CACNA1D: variants seen among roughly 807,000 people sequenced by gnomAD.
CACNA1D encodes voltage-dependent L-type calcium channel subunit alpha-1D.
In CACNA1D, 55 loss-of-function variants were observed where a neutral mutation model predicts 257.1. The observed-to-expected ratio is 0.21, with a 90% CI of 0.17 to 0.27. CACNA1D has a LOEUF of 0.27. Ranked by LOEUF, CACNA1D falls within the 10% of genes least tolerant of loss-of-function variation. The pLI, the probability that CACNA1D is intolerant of heterozygous loss-of-function variation, is 1.00. For synonymous variants in CACNA1D, 980 were observed against 1,014.9 expected (o/e 0.97, Z 0.65); for missense variants, 1,876 against 2,784.0 (o/e 0.67, Z 7.34).
rs779157718 is a variant in CACNA1D, at chr3:53,730,421, C to T, written c.2222-21C>T. On this transcript the variant is annotated intron_variant, in intron 15 of 47. Coordinates refer to ENST00000350061, the MANE Select transcript of CACNA1D (RefSeq NM_001128840.3). ...TAGTTGCATTTAGTAGTGTGTTGTG[C>T]CCTTAAAAAGTTGAAATTAGATATT... is the stretch of plus-strand genomic sequence containing the variant. 2.7e-6 allele frequency: 4 copies of T among 1,499,982 alleles called. No individual in the cohort carries two copies. The South Asian group carries it at 4.5e-5, about 17-fold the overall frequency. The allele number at this position is 1,499,982 out of a possible 1,614,324, so 92.9% of individuals were successfully genotyped here. A position where few individuals can be genotyped will look rare whatever the true frequency, so the allele number is the denominator to read the frequency against.
intron 3 of CACNA1D, among the ~76,000 whole-genome samples, chr3:53,531,326 C>T (rs990293203): frequency 1.3e-5 from 2 of 152,176 alleles, no homozygotes; most frequent in South Asian, 2.1e-4. Flanking sequence ...ACAAGGTTTA[C>T]GTTAGCAGAT....
At chr3:53,695,040 C>T (rs941540672) in intron 8 of CACNA1D, among the ~76,000 whole-genome samples, 2 of 152,340 alleles carry the variant, frequency 1.3e-5, no homozygotes, top group South Asian at 2.1e-4. Flanking sequence ...CTCGTGAACT[C>T]ACTCAGCACT....
chr3:53,648,829 A>ACACACAC (rs2094052865), intron 3 of CACNA1D, among the ~76,000 whole-genome samples: 33 of 146,752 alleles, frequency 2.2e-4, no homozygotes, highest in African/African-American at 8.0e-4. Context: ...TAACTCTCAA[A>ACACACAC]ACACACACAC....
chr3:53,558,196 A>G (rs1215873880), intron 3 of CACNA1D, among the ~76,000 whole-genome samples: 2 of 152,160 alleles, frequency 1.3e-5, no homozygotes, highest in East Asian at 1.9e-4. Flanking sequence ...TTTTATGTCT[A>G]TATTCATAAG....
rs72978536 is a variant in CACNA1D at position 53,660,492 on chromosome 3, T to C, written c.766+217T>C. On this transcript the variant is annotated intron_variant, in intron 5 of 47. Coordinates refer to ENST00000350061, the MANE Select transcript of CACNA1D (RefSeq NM_001128840.3). ...GGCAGTTATTGTCATTCTGATTTTGTGGACGAAAGAATCTTCTCTTGCAGA... is the reference window on the plus strand; with the variant it reads ...GGCAGTTATTGTCATTCTGATTTTGCGGACGAAAGAATCTTCTCTTGCAGA... 0.021 allele frequency among the ~76,000 whole-genome samples: 3,181 copies of C among 152,298 alleles called. 107 individuals carry two copies. The highest frequency in any genetic ancestry group is 0.072 in the African/African-American group (2,996 of 41,550).
intron 43 of CACNA1D, 26 bp from the exon 44 acceptor site, chr3:53,803,397 T>C (rs773233551): frequency 1.9e-6 from 3 of 1,613,922 alleles, no homozygotes; most frequent in Non-Finnish European, 2.5e-6. Context: ...CTGCCCAGGT[T>C]CTCAGATCCT....
chr3:53,702,955 A>C, intron 9 of CACNA1D, 145 bp downstream of exon 9: 1 of 845,792 alleles, frequency 1.2e-6, no homozygotes, highest in Non-Finnish European at 2.0e-6. Context: ...TGCACACATC[A>C]CGGAGAGAAC....
intron 9 of CACNA1D, among the ~76,000 whole-genome samples, chr3:53,714,188 C>T (rs1434918548): frequency 6.6e-6 from 1 of 152,206 alleles, no homozygotes; most frequent in Admixed American, 6.5e-5. Context: ...GGCTTCACAG[C>T]TTGTTCATGT....
intron 40 of CACNA1D, among the ~76,000 whole-genome samples, chr3:53,796,693 C>T (rs1342883125): frequency 6.6e-6 from 1 of 152,046 alleles, no homozygotes; most frequent in Non-Finnish European, 1.5e-5. Context: ...TATGAAATTC[C>T]AACTAAATGG....
rs147933585 is a variant in CACNA1D at position 53,732,023 on chromosome 3, T to A, written c.2414T>A (p.Ile805Asn). ...ATGTCTTTGTCATCCTAGGTTACAATTGATGACTATAGAGAAGAGGATGAA... is the reference window on the plus strand; with the variant it reads ...ATGTCTTTGTCATCCTAGGTTACAAATGATGACTATAGAGAAGAGGATGAA... ...QIANSDNKVTIDDYREEDEDK... is the reference protein window; with the variant it reads ...QIANSDNKVTNDDYREEDEDK... The change falls in exon 18 of 48, where the codon ATT becomes AAT. Residue 805 changes from isoleucine (I) to asparagine (N), a missense_variant. Around this residue, in one of 10 missense-constraint regions of CACNA1D, gnomAD observed 78 missense variants for 69.2 expected, o/e 1.13. Coordinates refer to ENST00000350061, the MANE Select transcript of CACNA1D (RefSeq NM_001128840.3). The A allele has an allele frequency of 3.1e-6, 5 of 1,604,716 alleles. No homozygotes were observed. Among genetic ancestry groups the A allele is most frequent in the Non-Finnish European group, 4.3e-6 (5 of 1,171,288 alleles).
chr3:53,703,691 C>T (rs932147446), intron 9 of CACNA1D, among the ~76,000 whole-genome samples: 28 of 152,214 alleles, frequency 1.8e-4, no homozygotes, highest in Admixed American at 1.6e-3. Flanking sequence ...GACCCGAGGC[C>T]GGCCCTACGT....
intron 43 of CACNA1D, 79 bp from the exon 44 acceptor site, chr3:53,803,344 G>T: frequency 6.4e-7 from 1 of 1,558,470 alleles, no homozygotes; most frequent in Non-Finnish European, 8.8e-7. Context: ...CAGGGTTGCC[G>T]GCCACAGGCA....
chr3:53,756,571 C>T (rs1290745614), intron 29 of CACNA1D, among the ~76,000 whole-genome samples: 2 of 152,216 alleles, frequency 1.3e-5, no homozygotes, highest in East Asian at 3.8e-4. Context: ...TGGGTGTTGA[C>T]CTGGTGCAGC....
chr3:53,618,083 C>A (rs2093656480), intron 3 of CACNA1D, among the ~76,000 whole-genome samples: 1 of 152,150 alleles, frequency 6.6e-6, no homozygotes, highest in Non-Finnish European at 1.5e-5. Flanking sequence ...GTCACAGGGA[C>A]CTCCTCAGTA....
chr3:53,755,764 G>T (rs1487204996), intron 29 of CACNA1D, among the ~76,000 whole-genome samples: 1 of 152,070 alleles, frequency 6.6e-6, no homozygotes, highest in East Asian at 1.9e-4. Context: ...GAGAGTATCG[G>T]TTCACCAAGA....
intron 3 of CACNA1D, among the ~76,000 whole-genome samples, chr3:53,518,985 C>G (rs976497588): frequency 6.6e-6 from 1 of 152,228 alleles, no homozygotes; most frequent in Non-Finnish European, 1.5e-5. Context: ...CTCCTTGTGC[C>G]AAGAATTCCT....
rs565510674 is a variant in CACNA1D, at chr3:53,565,162, G to A, written c.483+63442G>A. ...CTATTTCTGGGTTCATTGTTTTAGTGGTGAATTTGTCTCTGTGTCAGCACT... is the reference window on the plus strand; with the variant it reads ...CTATTTCTGGGTTCATTGTTTTAGTAGTGAATTTGTCTCTGTGTCAGCACT... On this transcript the variant is annotated intron_variant, in intron 3 of 47. Coordinates refer to ENST00000350061, the MANE Select transcript of CACNA1D (RefSeq NM_001128840.3). Among the ~76,000 whole-genome samples, 69 of 151,890 alleles carry A rather than the reference G, an allele frequency of 4.5e-4. 1 individual carries two copies. Among genetic ancestry groups the A allele is most frequent in the African/African-American group, 1.6e-3 (67 of 41,430 alleles).
chr3:53,649,573 G>A (rs1298326410), intron 3 of CACNA1D, among the ~76,000 whole-genome samples: 1 of 152,058 alleles, frequency 6.6e-6, no homozygotes, highest in African/African-American at 2.4e-5. Context: ...CCATAGTGGG[G>A]ACATTTTTCT....
intron 8 of CACNA1D, among the ~76,000 whole-genome samples, chr3:53,696,770 G>A (rs1160392686): frequency 6.6e-6 from 1 of 152,176 alleles, no homozygotes; most frequent in Admixed American, 6.5e-5. Context: ...TGTGGCCAGA[G>A]TATAAGGTGT....
Sources: gnomAD v4.1 joint callset for allele counts (sites outside exome capture counted in the v4.1 genomes callset) on GRCh38, gnomAD v4.1.1 for gene constraint, gnomAD v4.1.1 regional missense constraint, MANE v1.5 for transcripts, NCBI Gene and HGNC (gene_info 2026-07-23, HGNC 2026-07-21) for gene names.